CMSS1: variants seen among roughly 807,000 people sequenced by gnomAD.
CMSS1 encodes the protein protein CMSS1.
A neutral mutation model predicts 43.5 loss-of-function variants in CMSS1; 33 were observed. The ratio of observed to expected loss-of-function variants is 0.76; its 90% CI spans 0.57 to 1.01. CMSS1 has a LOEUF of 1.01. Ranked by LOEUF, CMSS1 falls within the 50% of genes least tolerant of loss-of-function variation. CMSS1 has a pLI of 0.00. For missense variants in CMSS1, 313 were observed against 326.4 expected, an observed-to-expected ratio of 0.96 and a Z score of 0.32; for synonymous variants, 115 against 117.2, an observed-to-expected ratio of 0.98 and a Z score of 0.12.
intron 1 of CMSS1, among the ~76,000 whole-genome samples, chr3:99,851,768 T>C (rs942108610): frequency 8.5e-5 from 13 of 152,250 alleles, no homozygotes; most frequent in African/African-American, 2.9e-4. Context: ...ACTTCACTGA[T>C]AGACCTCTGT....
intron 1 of CMSS1, among the ~76,000 whole-genome samples, chr3:100,097,766 A>T (rs1039937795): frequency 1.2e-4 from 19 of 152,202 alleles, no homozygotes; most frequent in African/African-American, 3.9e-4. Flanking sequence ...TATCACAAAG[A>T]CTACTTGGTT....
At chr3:99,933,876 T>A (rs1307091154) in intron 1 of CMSS1, among the ~76,000 whole-genome samples, 1 of 152,244 alleles carries the variant, frequency 6.6e-6, no homozygotes, top group Non-Finnish European at 1.5e-5. Flanking sequence ...CTCAGGTACA[T>A]GTTAGTGTTT....
intron 1 of CMSS1, among the ~76,000 whole-genome samples, chr3:99,844,255 C>T (rs900460485): frequency 1.9e-4 from 29 of 152,292 alleles, no homozygotes; most frequent in African/African-American, 6.3e-4. Flanking sequence ...CTGGGCCCTA[C>T]GCCCCCAGAG....
chr3:100,151,664 G>A (rs899139962), intron 2 of CMSS1, among the ~76,000 whole-genome samples: 1 of 152,156 alleles, frequency 6.6e-6, no homozygotes, highest in Non-Finnish European at 1.5e-5. Flanking sequence ...CACATTCATG[G>A]GGAAGAGATT....
At chr3:99,896,898 A>G (rs760377849) in intron 1 of CMSS1, among the ~76,000 whole-genome samples, 11 of 152,248 alleles carry the variant, frequency 7.2e-5, no homozygotes, top group Non-Finnish European at 1.3e-4. Flanking sequence ...CGGGTGCTGA[A>G]GTCCATTTCC....
chr3:99,830,877 T>C (rs1307433110), intron 1 of CMSS1, among the ~76,000 whole-genome samples: 1 of 152,198 alleles, frequency 6.6e-6, no homozygotes, highest in Admixed American at 6.5e-5. Context: ...TAGTAGGACA[T>C]ATACAAGAGT....
rs188286307 is a variant in CMSS1 at position 100,132,768 on chromosome 3, G to A, written c.65-14205G>A. Among the ~76,000 whole-genome samples the A allele has an allele frequency of 8.8e-5, 12 of 135,904 alleles. No homozygotes were observed. In the East Asian group the frequency reaches 8.9e-4, roughly 10 times the overall value. 89.2% of individuals were successfully genotyped at this position (135,904 alleles called of 152,430 possible). On this transcript the variant is annotated intron_variant, in intron 1 of 9. Coordinates refer to ENST00000421999, the MANE Select transcript of CMSS1 (RefSeq NM_032359.4). ...CAGGAGGTGGAGCTTGCAGTGAGCCGAGATCCCGCCACTGCACTCCAGCCT... is the reference window on the plus strand; with the variant it reads ...CAGGAGGTGGAGCTTGCAGTGAGCCAAGATCCCGCCACTGCACTCCAGCCT...
At chr3:100,128,173 C>G (rs921026888) in intron 1 of CMSS1, among the ~76,000 whole-genome samples, 3 of 152,218 alleles carry the variant, frequency 2.0e-5, no homozygotes, top group African/African-American at 7.2e-5. Context: ...TGACTTTGCA[C>G]ATGTTGTTCT....
intron 9 of CMSS1, among the ~76,000 whole-genome samples, chr3:100,177,008 C>G (rs893383043): frequency 2.6e-5 from 4 of 152,212 alleles, no homozygotes; most frequent in African/African-American, 9.6e-5. Flanking sequence ...AATTACTTTG[C>G]CACCTACCAC....
At chr3:99,869,732 T>C (rs569895267) in intron 1 of CMSS1, among the ~76,000 whole-genome samples, 4 of 152,352 alleles carry the variant, frequency 2.6e-5, no homozygotes, top group Non-Finnish European at 4.4e-5. Context: ...ATTCCACTTA[T>C]GATCTCTGCT....
chr3:99,896,989 G>T (rs920426766), intron 1 of CMSS1, among the ~76,000 whole-genome samples: 30 of 152,284 alleles, frequency 2.0e-4, no homozygotes, highest in African/African-American at 6.5e-4. Flanking sequence ...GGAGAAAAGT[G>T]CTAGAGAGAA....
intron 2 of CMSS1, among the ~76,000 whole-genome samples, chr3:100,154,988 T>C (rs2066958190): frequency 6.6e-6 from 1 of 152,112 alleles, no homozygotes; most frequent in Non-Finnish European, 1.5e-5. Context: ...AAAATAAAAA[T>C]TTAAAAAATT....
intron 1 of CMSS1, among the ~76,000 whole-genome samples, chr3:99,975,074 C>A (rs1172065284): frequency 6.6e-6 from 1 of 152,210 alleles, no homozygotes; most frequent in African/African-American, 2.4e-5. Flanking sequence ...AGGAACTATA[C>A]TGAGCATCTT....
At chr3:99,942,590 G>A (rs1333628378) in intron 1 of CMSS1, among the ~76,000 whole-genome samples, 1 of 152,190 alleles carries the variant, frequency 6.6e-6, no homozygotes, top group East Asian at 1.9e-4. Flanking sequence ...CCAGCCCTTT[G>A]GGAGACCGAG....
chr3:100,113,908 A>G (rs977574750), intron 1 of CMSS1: 9 of 152,138 alleles, frequency 5.9e-5, no homozygotes, highest in African/African-American at 2.2e-4. Flanking sequence ...ATCATCTGTC[A>G]TAAGCTCTTA....
At chr3:99,985,286 C>A (rs549073528) in intron 1 of CMSS1, among the ~76,000 whole-genome samples, 1 of 152,260 alleles carries the variant, frequency 6.6e-6, no homozygotes, top group African/African-American at 2.4e-5. Flanking sequence ...AATTCCAACA[C>A]TTTGGTAGGC....
At chr3:99,846,853 A>T (rs892317823) in intron 1 of CMSS1, among the ~76,000 whole-genome samples, 2 of 152,224 alleles carry the variant, frequency 1.3e-5, no homozygotes, top group African/African-American at 2.4e-5. Context: ...AACCACACTA[A>T]ATTAACAATT....
chr3:100,142,936 A>C (rs760146793), intron 1 of CMSS1, among the ~76,000 whole-genome samples: 8 of 152,224 alleles, frequency 5.3e-5, no homozygotes, highest in Non-Finnish European at 1.0e-4. Context: ...GATGGAGAGA[A>C]AACCTAACAT....
chr3:99,904,899 A>G (rs781675793), intron 1 of CMSS1, among the ~76,000 whole-genome samples: 44 of 152,194 alleles, frequency 2.9e-4, no homozygotes, highest in Non-Finnish European at 3.7e-4. Flanking sequence ...TACACTCTTT[A>G]CGTCTACATC....
Sources: allele counts gnomAD v4.1 joint callset (sites outside exome capture counted in the v4.1 genomes callset), GRCh38; gene constraint gnomAD v4.1.1; transcripts MANE v1.5; gene names NCBI Gene and HGNC (gene_info 2026-07-23, HGNC 2026-07-21).